The following DNAAF10 variants were observed in gnomAD, a reference collection of about 807,000 sequenced individuals.
DNAAF10 encodes the protein dynein axonemal assembly factor 10.
Under a neutral mutation model 43.7 loss-of-function variants are expected in DNAAF10, and 28 were observed. The observed-to-expected ratio is 0.64, with a 90% confidence interval of 0.48 to 0.88. DNAAF10 has a LOEUF of 0.88. Among genes scored for constraint, DNAAF10 ranks in the 40% least tolerant of loss-of-function variants. The pLI is 0.00. For missense variants in DNAAF10, 403 were observed against 439.1 expected, an observed-to-expected ratio of 0.92 and a Z score of 0.73; for synonymous variants, 156 against 157.3, an observed-to-expected ratio of 0.99 and a Z score of 0.06.
At chr2:68,141,507 A>C (rs574337749) in intron 4 of DNAAF10, among the ~76,000 whole-genome samples, 187 bp downstream of exon 4, 1 of 152,268 alleles carries the variant, frequency 6.6e-6, no homozygotes, top group Non-Finnish European at 1.5e-5. Context: ...CACATGGCCA[A>C]TAAGTAGCAG....
chr2:68,144,401 C>A (rs1308693318), intron 3 of DNAAF10, among the ~76,000 whole-genome samples, 184 bp downstream of exon 3: 1 of 152,098 alleles, frequency 6.6e-6, no homozygotes, highest in African/African-American at 2.4e-5. Flanking sequence ...CTCAAAATAG[C>A]CAAAAGTCTG....
chr2:68,143,480 A>G (rs1476693627), intron 3 of DNAAF10, among the ~76,000 whole-genome samples: 1 of 152,180 alleles, frequency 6.6e-6, no homozygotes, highest in Non-Finnish European at 1.5e-5. Flanking sequence ...ACCTGGCCCA[A>G]TAAATTTTTT....
At position 68,137,381 on chromosome 2, in the gene DNAAF10, G is replaced by A. The variant is rs750252613; in HGVS notation, c.686C>T (p.Ala229Val). 1.9e-6 allele frequency: 3 copies of A among 1,613,468 alleles called. No individual in the cohort carries two copies. Among genetic ancestry groups the A allele is most frequent in the African/African-American group, 2.7e-5 (2 of 74,878 alleles). Residue 229 changes from alanine (A) to valine (V), a missense_variant, in exon 6 of 8, where the codon GCC becomes GTC. By Grantham distance (64) the Ala-to-Val change is moderately conservative. Coordinates refer to ENST00000295121, the MANE Select transcript of DNAAF10 (RefSeq NM_138458.4). ...ATGGAACTTTCCTTCCAGAGATGTGGCTACTAACTTATTCATACTTATGTC... is the reference window on the plus strand; with the variant it reads ...ATGGAACTTTCCTTCCAGAGATGTGACTACTAACTTATTCATACTTATGTC... ...RKDISMNKLV[A>V]TSLEGKFHVF...
chr2:68,138,983 G>T, intron 4 of DNAAF10, 126 bp from the exon 5 acceptor site: 1 of 670,626 alleles, frequency 1.5e-6, no homozygotes. Context: ...ACACTGGGTA[G>T]TATCCCATCT....
rs1221643060 is a variant in DNAAF10 at position 68,144,475 on chromosome 2, T to A, written c.415+110A>T. Reference sequence around the variant, plus strand: ...AAAAGTAGCAGCAAGACTGTTAGATTTAGGGAGTCAAGGTGACTGAAGGGG... The same window carrying A: ...AAAAGTAGCAGCAAGACTGTTAGATATAGGGAGTCAAGGTGACTGAAGGGG... On this transcript the variant is annotated intron_variant, in intron 3 of 7. Transcript: ENST00000295121. 4.4e-6 allele frequency: 6 copies of A among 1,370,654 alleles called. No homozygotes were observed. The Admixed American group carries it at 1.4e-4, about 32-fold the overall frequency. The allele number at this position is 1,370,654 out of a possible 1,614,324, so 84.9% of individuals were successfully genotyped here. A position where few individuals can be genotyped will look rare whatever the true frequency, so the allele number is the denominator to read the frequency against.
At chr2:68,139,042 TTTTTG>T (rs1170353979) in intron 4 of DNAAF10, among the ~76,000 whole-genome samples, 185 bp from the exon 5 acceptor site, 1 of 152,138 alleles carries the variant, frequency 6.6e-6, no homozygotes, top group Non-Finnish European at 1.5e-5. Context: ...ATCCATTAGT[TTTTTG>T]TTTTGTTTAA....
intron 7 of DNAAF10, chr2:68,131,740 G>T: frequency 3.4e-6 from 1 of 292,610 alleles, no homozygotes; most frequent in South Asian, 4.6e-5. Flanking sequence ...GGTTGATCTA[G>T]GATTCTTTAA....
chr2:68,136,220 GAAA>G (rs1164483365), intron 6 of DNAAF10, among the ~76,000 whole-genome samples: 3 of 52,646 alleles, frequency 5.7e-5, no homozygotes, highest in Non-Finnish European at 1.4e-4. Context: ...TCTGTCTCCA[GAAA>G]AAAAAAAAAA....
At position 68,140,178 on chromosome 2, in the gene DNAAF10, G is replaced by A. The variant is rs568857473; in HGVS notation, c.518-1321C>T. On this transcript the variant is annotated intron_variant, in intron 4 of 7. Coordinates refer to ENST00000295121, the MANE Select transcript of DNAAF10 (RefSeq NM_138458.4). ...AGGAAAGAGTGTTAAGTGAGAAGGAGGCCCCTGTCACTGTGCTATGCTATC... is the reference window on the plus strand; with the variant it reads ...AGGAAAGAGTGTTAAGTGAGAAGGAAGCCCCTGTCACTGTGCTATGCTATC... Among the ~76,000 whole-genome samples the A allele has an allele frequency of 2.6e-5, 4 of 152,024 alleles. No individual in the cohort carries two copies. The South Asian group carries it at 8.3e-4, about 32-fold the overall frequency.
chr2:68,133,834 A>T (rs1672974636), intron 7 of DNAAF10, among the ~76,000 whole-genome samples: 1 of 152,198 alleles, frequency 6.6e-6, no homozygotes, highest in South Asian at 2.1e-4. Context: ...TTCCAACTGT[A>T]GCCCTGTTTT....
chr2:68,137,529 T>G, intron 5 of DNAAF10, 96 bp from the exon 6 acceptor site: 1 of 1,169,726 alleles, frequency 8.5e-7, no homozygotes, highest in Non-Finnish European at 1.2e-6. Flanking sequence ...GGTCAGATAA[T>G]GTGAAAGCAC....
chr2:68,147,650 T>C lies in DNAAF10; in HGVS notation c.184-83A>G, dbSNP rs1228543220. ...TATTAATATCATATTTATGGCTCTA[T>C]TATGGCATTTAAATAAGACAATATA... On this transcript the variant is annotated intron_variant, in intron 1 of 7. Coordinates refer to ENST00000295121, the MANE Select transcript of DNAAF10 (RefSeq NM_138458.4). The C allele has an allele frequency of 2.2e-5, 21 of 945,684 alleles. 1 individual carries two copies. The South Asian group carries it at 3.8e-4, about 17-fold the overall frequency. 58.6% of individuals were successfully genotyped at this position (945,684 alleles called of 1,614,324 possible).
intron 7 of DNAAF10, among the ~76,000 whole-genome samples, chr2:68,133,368 A>G (rs6753107): frequency 0.74 from 112,131 of 151,868 alleles, 42,491 homozygotes; most frequent in African/African-American, 0.93. Context: ...TCAGCCTCCT[A>G]AGTAGCTGGG....
chr2:68,134,321 A>C, intron 7 of DNAAF10: 1 of 1,023,926 alleles, frequency 9.8e-7, no homozygotes, highest in Non-Finnish European at 1.2e-6. Flanking sequence ...CAGCAGCCTC[A>C]GGCTCTGTTG....
intron 1 of DNAAF10, 114 bp downstream of exon 1, chr2:68,157,147 G>A: frequency 7.2e-7 from 1 of 1,389,660 alleles, no homozygotes; most frequent in South Asian, 1.4e-5. Context: ...GGTCTCGCGC[G>A]GCTCAAGCCA....
intron 1 of DNAAF10, among the ~76,000 whole-genome samples, chr2:68,156,616 T>C (rs549462313): frequency 1.3e-5 from 2 of 152,326 alleles, no homozygotes; most frequent in African/African-American, 4.8e-5. Context: ...CCTACAGATC[T>C]TGCAATGTCT....
intron 1 of DNAAF10, among the ~76,000 whole-genome samples, chr2:68,153,706 AT>A (rs1306612603): frequency 2.0e-5 from 3 of 147,114 alleles, no homozygotes; most frequent in Admixed American, 6.8e-5. Context: ...ATATTTAAAA[AT>A]TTTTTTCCAT....
In DNAAF10 at chr2:68,136,696, C is replaced by T. The variant is rs546855626; in HGVS notation, c.768+603G>A. ...CTGCATGAATTTTCTGTAATCCCCC[C>T]AGTCCAGAAACTATCTTTTTTTTAA... is the stretch of plus-strand genomic sequence containing the variant. On this transcript the variant is annotated intron_variant, in intron 6 of 7. Coordinates refer to ENST00000295121, the MANE Select transcript of DNAAF10 (RefSeq NM_138458.4). 2.5e-4 allele frequency among the ~76,000 whole-genome samples: 38 copies of T among 152,296 alleles called. No homozygotes were observed. The South Asian group carries it at 7.7e-3, about 31-fold the overall frequency.
chr2:68,140,637 C>T (rs1673154505), intron 4 of DNAAF10, among the ~76,000 whole-genome samples: 1 of 152,122 alleles, frequency 6.6e-6, no homozygotes, highest in African/African-American at 2.4e-5. Flanking sequence ...AGTTCATTTT[C>T]CTAAAGCTCG....
Sources: allele counts gnomAD v4.1 joint callset (sites outside exome capture counted in the v4.1 genomes callset), GRCh38; gene constraint gnomAD v4.1.1; transcripts MANE v1.5; gene names NCBI Gene and HGNC (gene_info 2026-07-23, HGNC 2026-07-21).